Variants in PSPH observed in about 807,000 individuals in gnomAD.
The protein encoded by PSPH is phosphoserine phosphatase.
Under a neutral mutation model 23.4 loss-of-function variants are expected in PSPH, and 16 were observed. The ratio of observed to expected loss-of-function variants is 0.68; its 90% CI spans 0.46 to 1.04. The LOEUF is 1.04. PSPH is among the 50% of genes least tolerant of loss of function. The probability of loss-of-function intolerance (pLI) is 0.00; values close to 1 mark genes in which losing one functional copy is unlikely to be tolerated. For synonymous variants in PSPH, 68 were observed against 99.7 expected (o/e 0.68, Z 1.89); for missense variants, 223 against 273.7 (o/e 0.81, Z 1.31).
chr7:56,026,488 C>CAAAAAAAAAAAAA (rs56089644), intron 3 of PSPH, among the ~76,000 whole-genome samples: 1 of 70,360 alleles, frequency 1.4e-5, no homozygotes. Context: ...GACTCCATCT[C>CAAAAAAAAAAAAA]AAAAAAAAAA....
intron 3 of PSPH, among the ~76,000 whole-genome samples, chr7:56,024,804 CTTTT>C (rs11394881): frequency 7.7e-6 from 1 of 130,092 alleles, no homozygotes; most frequent in African/African-American, 2.8e-5. Flanking sequence ...ATTAATAAAT[CTTTT>C]TTTTTTTTTT....
At chr7:56,036,719 A>C (rs2117009913) in intron 1 of PSPH, among the ~76,000 whole-genome samples, 1 of 152,288 alleles carries the variant, frequency 6.6e-6, no homozygotes, top group Non-Finnish European at 1.5e-5. Context: ...GATACTTGTG[A>C]GCATGAGATG....
At chr7:56,027,054 A>C (rs1196441559) in intron 3 of PSPH, among the ~76,000 whole-genome samples, 1 of 152,052 alleles carries the variant, frequency 6.6e-6, no homozygotes, top group Admixed American at 6.6e-5. Context: ...AAAAATACAA[A>C]ATTAGCTGGG....
chr7:56,047,893 CTT>C, intron 1 of PSPH, among the ~76,000 whole-genome samples: 1 of 152,302 alleles, frequency 6.6e-6, no homozygotes, highest in East Asian at 1.9e-4. Context: ...GTCTTGATCT[CTT>C]GACCTCACGA....
chr7:56,019,715 CG>C lies in PSPH; in HGVS notation c.159del (p.Ala55GlnfsTer12), dbSNP rs753256708. On this transcript the variant is annotated frameshift_variant, in exon 5 of 8. Coordinates refer to ENST00000275605, the MANE Select transcript of PSPH (RefSeq NM_004577.4). LOFTEE classifies it high-confidence loss of function. ...AGAGCAGCTTTGAAAGGCACTGCCCCGCCCATGGCTCGCCGTGTCCTAGGAG... is the reference window on the plus strand; with the variant it reads ...AGAGCAGCTTTGAAAGGCACTGCCCCCCCATGGCTCGCCGTGTCCTAGGAG... ...AVSEMTRRAMGGAVPFKAALT... is the reference protein window; with the variant it reads ...AVSEMTRRAMXGAVPFKAALT... The C allele has an allele frequency of 6.2e-7, 1 of 1,613,704 alleles. No homozygotes were observed. Among genetic ancestry groups the C allele is most frequent in the East Asian group, 2.2e-5 (1 of 44,872 alleles).
intron 1 of PSPH, among the ~76,000 whole-genome samples, chr7:56,046,721 T>A (rs768286521): frequency 2.0e-5 from 3 of 149,620 alleles, no homozygotes; most frequent in East Asian, 2.0e-4. Flanking sequence ...AAGGTGGAGG[T>A]TGCAGTGAGC....
chr7:56,031,223 A>C (rs994556554), intron 3 of PSPH, among the ~76,000 whole-genome samples: 3 of 151,730 alleles, frequency 2.0e-5, no homozygotes, highest in Non-Finnish European at 4.4e-5. Context: ...GTCTCAAAAA[A>C]AAAAAAAACA....
At chr7:56,013,115 T>TTG (rs1392251878) in intron 7 of PSPH, among the ~76,000 whole-genome samples, 2 of 130,120 alleles carry the variant, frequency 1.5e-5, no homozygotes, top group East Asian at 4.4e-4. Flanking sequence ...GTGTATATAT[T>TTG]TATATACACA....
At chr7:56,014,746 C>T (rs965534674) in intron 7 of PSPH, among the ~76,000 whole-genome samples, 4 of 152,074 alleles carry the variant, frequency 2.6e-5, no homozygotes, top group Non-Finnish European at 4.4e-5. Context: ...GAGTTCGAGA[C>T]CAGCATGGCC....
In PSPH at chr7:56,011,588, TTA is replaced by T; in HGVS notation, c.*172_*173del. On this transcript the variant is annotated 3_prime_UTR_variant, in exon 8 of 8. Transcript: ENST00000275605. ...TCATCATATAATACTGGAACTACAG[TTA>T]AAAAAAAAAAAAAAGCAATCTTCTA... 1.8e-6 allele frequency: 1 copy of T among 541,796 alleles called. No individual in the cohort carries two copies. Among genetic ancestry groups the T allele is most frequent in the Non-Finnish European group, 3.3e-6 (1 of 305,556 alleles). 33.6% of individuals were successfully genotyped at this position (541,796 alleles called of 1,614,324 possible).
intron 1 of PSPH, among the ~76,000 whole-genome samples, chr7:56,048,332 A>G (rs1008313418): frequency 1.3e-5 from 2 of 152,098 alleles, no homozygotes; most frequent in African/African-American, 4.8e-5. Context: ...AAATAACCCT[A>G]AAGTAAGGGA....
chr7:56,023,642 G>A (rs1273073398), intron 3 of PSPH, among the ~76,000 whole-genome samples: 1 of 151,932 alleles, frequency 6.6e-6, no homozygotes, highest in South Asian at 2.1e-4. Context: ...TCCTATCAGA[G>A]ACTAATATGT....
At chr7:56,028,523 T>A (rs1282928704) in intron 3 of PSPH, among the ~76,000 whole-genome samples, 4 of 151,890 alleles carry the variant, frequency 2.6e-5, no homozygotes, top group Non-Finnish European at 5.9e-5. Flanking sequence ...TAAGCCACCA[T>A]GCTGGCCAAA....
chr7:56,050,598 C>G (rs1409944594), intron 1 of PSPH, among the ~76,000 whole-genome samples: 1 of 152,156 alleles, frequency 6.6e-6, no homozygotes, highest in African/African-American at 2.4e-5. Flanking sequence ...AAGAACATCA[C>G]GCTGCTGTTA....
intron 5 of PSPH, 128 bp downstream of exon 5, chr7:56,019,472 T>C (rs1789016634): frequency 4.1e-6 from 5 of 1,226,178 alleles, no homozygotes; most frequent in Non-Finnish European, 5.5e-6. Context: ...AATTAAAAAA[T>C]TAAAAAATGA....
chr7:56,019,688 T>C lies in PSPH; in HGVS notation c.187A>G (p.Thr63Ala). The change falls in exon 5 of 8, where the codon ACA becomes GCA. Residue 63 changes from threonine to alanine, a missense_variant. Coordinates refer to ENST00000275605, the MANE Select transcript of PSPH (RefSeq NM_004577.4). ...GGCTGGATGAGGGCTAAGCGCTCTG[T>C]GAGAGCAGCTTTGAAAGGCACTGCC... Reference protein sequence around the residue: ...GGAVPFKAALTERLALIQPSR... With the variant: ...GGAVPFKAALAERLALIQPSR... 6.2e-7 allele frequency: 1 copy of C among 1,613,876 alleles called. No homozygotes were observed. The highest frequency in any genetic ancestry group is 8.5e-7 in the Non-Finnish European group (1 of 1,179,872).
chr7:56,031,258 CTG>C (rs1185420951), intron 3 of PSPH, among the ~76,000 whole-genome samples: 1 of 151,188 alleles, frequency 6.6e-6, no homozygotes, highest in African/African-American at 2.4e-5. Flanking sequence ...ACAAAAAAAA[CTG>C]AGGACTACAA....
In PSPH at chr7:56,018,071, C is replaced by T. The variant is rs946070411; in HGVS notation, c.276-692G>A. Among the ~76,000 whole-genome samples the T allele has an allele frequency of 1.5e-4, 21 of 144,398 alleles. 1 individual carries two copies. Among genetic ancestry groups the T allele is most frequent in the South Asian group, 5.1e-4 (2 of 3,886 alleles). 94.7% of individuals were successfully genotyped at this position (144,398 alleles called of 152,430 possible). On this transcript the variant is annotated intron_variant, in intron 5 of 7. Coordinates refer to ENST00000275605, the MANE Select transcript of PSPH (RefSeq NM_004577.4). The stretch of plus-strand genomic sequence containing the variant: ...TAGAAATCAATGGGTAGGGGCTGGG[C>T]GTGGTGGCTCACGCCTGTAATCCCA...
In PSPH at chr7:56,032,060, A is replaced by G. The variant is rs1331931334; in HGVS notation, c.-145-6T>C. ...GATTCTGCAAGAGCAAGAGCCTAGA[A>G]AGAGAGAATGAGGAAATGAACATCG... On this transcript the variant is annotated splice_region_variant and splice_polypyrimidine_tract_variant and intron_variant, in intron 2 of 7. Transcript: ENST00000275605. 2 of 152,744 alleles carry G rather than the reference A, an allele frequency of 1.3e-5. No homozygotes were observed. Among genetic ancestry groups the G allele is most frequent in the Non-Finnish European group, 2.9e-5 (2 of 68,054 alleles). 9.5% of individuals were successfully genotyped at this position (152,744 alleles called of 1,614,324 possible).
Sources: allele counts gnomAD v4.1 joint callset (sites outside exome capture counted in the v4.1 genomes callset), GRCh38; gene constraint gnomAD v4.1.1; transcripts MANE v1.5; gene names NCBI Gene and HGNC (gene_info 2026-07-23, HGNC 2026-07-21).